The following EPHA6 variants were observed in gnomAD, a reference collection of about 807,000 sequenced individuals.
EPHA6 encodes the protein EPH receptor A6.
Under a neutral mutation model 112.0 loss-of-function variants are expected in EPHA6, and 50 were observed. That is an observed-to-expected ratio of 0.45 (90% CI 0.36 to 0.56). EPHA6 has a LOEUF of 0.56. EPHA6 is among the 20% of genes least tolerant of loss of function. The pLI is 0.00. For synonymous variants in EPHA6, 529 were observed against 490.7 expected, an observed-to-expected ratio of 1.08 and a Z score of -1.03; for missense variants, 1,280 against 1,417.4, an observed-to-expected ratio of 0.90 and a Z score of 1.56.
intron 14 of EPHA6, among the ~76,000 whole-genome samples, chr3:97,713,110 C>T (rs575448289): frequency 6.6e-6 from 1 of 152,130 alleles, no homozygotes; most frequent in East Asian, 1.9e-4. Context: ...GCAGCAACAC[C>T]GACAGGGCCA....
intron 1 of EPHA6, among the ~76,000 whole-genome samples, chr3:96,852,641 C>G (rs1026370399): frequency 2.0e-5 from 3 of 149,230 alleles, no homozygotes; most frequent in Admixed American, 1.3e-4. Flanking sequence ...GTAAAAATGG[C>G]TTGCTCCCCT....
At chr3:97,546,845 A>G (rs1266875659) in intron 11 of EPHA6, among the ~76,000 whole-genome samples, 2 of 152,070 alleles carry the variant, frequency 1.3e-5, no homozygotes, top group East Asian at 3.8e-4. Context: ...CCTTTCTTCC[A>G]GTTGATCACA....
intron 5 of EPHA6, among the ~76,000 whole-genome samples, chr3:97,365,334 A>G (rs2084653420): frequency 6.6e-6 from 1 of 152,172 alleles, no homozygotes; most frequent in South Asian, 2.1e-4. Context: ...TCTTCCAAAT[A>G]CTACCCTACA....
intron 2 of EPHA6, among the ~76,000 whole-genome samples, chr3:96,959,540 C>T (rs1389311750): frequency 6.6e-6 from 1 of 151,648 alleles, no homozygotes; most frequent in African/African-American, 2.4e-5. Flanking sequence ...TAGTGTTTTC[C>T]TTTTGATGTC....
At chr3:97,349,859 T>C (rs2083715842) in intron 5 of EPHA6, among the ~76,000 whole-genome samples, 1 of 152,006 alleles carries the variant, frequency 6.6e-6, no homozygotes, top group African/African-American at 2.4e-5. Flanking sequence ...CCAGACGTGA[T>C]AAAAATTTTT....
chr3:97,333,361 T>C (rs1317165590), intron 5 of EPHA6, among the ~76,000 whole-genome samples: 1 of 152,030 alleles, frequency 6.6e-6, no homozygotes, highest in African/African-American at 2.4e-5. Context: ...AGGGGTTTAT[T>C]TTTGTTTTTG....
Position 97,668,911 on chromosome 3 carries a change from C to CAAAAAAAAAAAAAAA in EPHA6, c.2784+30848_2784+30862dup, listed in dbSNP as rs397990599. Among the ~76,000 whole-genome samples, 4 of 31,914 alleles carry CAAAAAAAAAAAAAAA rather than the reference C, an allele frequency of 1.3e-4. 1 individual carries two copies. The highest frequency in any genetic ancestry group is 1.6e-4 in the Non-Finnish European group (3 of 18,816). 20.9% of individuals were successfully genotyped at this position (31,914 alleles called of 152,430 possible). ...TGTGTGACAGAGTGAGACTCTGTCTCAAAAAAAAAAAAAAAAAAAAAAAAA... is the reference window on the plus strand; with the variant it reads ...TGTGTGACAGAGTGAGACTCTGTCTCAAAAAAAAAAAAAAAAAAAAAAAAAAAAAAAAAAAAAAAA... On this transcript the variant is annotated intron_variant, in intron 14 of 17. Transcript: ENST00000389672.
chr3:97,398,425 G>T (rs1258530851), intron 5 of EPHA6, among the ~76,000 whole-genome samples: 1 of 151,138 alleles, frequency 6.6e-6, no homozygotes, highest in African/African-American at 2.4e-5. Context: ...GCTTCCAACA[G>T]GGACAAATTT....
chr3:97,574,039 A>T (rs999949945), intron 11 of EPHA6, among the ~76,000 whole-genome samples: 1 of 152,198 alleles, frequency 6.6e-6, no homozygotes, highest in East Asian at 1.9e-4. Flanking sequence ...ATCTATTAAC[A>T]TGTATCTGTT....
At chr3:97,127,966 T>C (rs2048229046) in intron 3 of EPHA6, among the ~76,000 whole-genome samples, 1 of 152,074 alleles carries the variant, frequency 6.6e-6, no homozygotes, top group African/African-American at 2.4e-5. Context: ...ACCCATCACC[T>C]GAGTAGTGTG....
intron 3 of EPHA6, among the ~76,000 whole-genome samples, chr3:97,184,502 T>G (rs1026980198): frequency 6.6e-6 from 1 of 152,060 alleles, no homozygotes; most frequent in Non-Finnish European, 1.5e-5. Flanking sequence ...CAATCCAACT[T>G]ACAAGGGACA....
At position 96,870,514 on chromosome 3, in the gene EPHA6, T is replaced by G. The variant is rs146889356; in HGVS notation, c.450+3625T>G. Among the ~76,000 whole-genome samples the G allele has an allele frequency of 1.5e-4, 23 of 152,230 alleles. No individual in the cohort carries two copies. The East Asian group carries it at 4.5e-3, about 30-fold the overall frequency. On this transcript the variant is annotated intron_variant, in intron 2 of 17. Transcript: ENST00000389672. ...ATCTATTGATTCAAATACTAAGCTCTTCCAGAAACATCCTTACACACACAC... is the reference window on the plus strand; with the variant it reads ...ATCTATTGATTCAAATACTAAGCTCGTCCAGAAACATCCTTACACACACAC...
At chr3:96,829,964 C>CAT (rs1215257930) in intron 1 of EPHA6, among the ~76,000 whole-genome samples, 3 of 151,028 alleles carry the variant, frequency 2.0e-5, no homozygotes, top group African/African-American at 7.3e-5. Flanking sequence ...CACACACACA[C>CAT]ACACACACAC....
At chr3:96,822,565 T>G (rs901909806) in intron 1 of EPHA6, among the ~76,000 whole-genome samples, 4 of 151,826 alleles carry the variant, frequency 2.6e-5, no homozygotes, top group African/African-American at 9.7e-5. Flanking sequence ...AGAGGAAATA[T>G]GAAATAACAT....
At chr3:97,695,572 C>T (rs1006293257) in intron 14 of EPHA6, among the ~76,000 whole-genome samples, 2 of 152,162 alleles carry the variant, frequency 1.3e-5, no homozygotes, top group East Asian at 1.9e-4. Context: ...GACGGAGTCT[C>T]GCTCTGTCAC....
chr3:97,519,265 A>G (rs900588562), intron 10 of EPHA6, among the ~76,000 whole-genome samples: 2 of 152,072 alleles, frequency 1.3e-5, no homozygotes, highest in African/African-American at 2.4e-5. Context: ...CTTTTCCCCA[A>G]TGTATGCTCT....
At chr3:96,947,441 C>T (rs2041326202) in intron 2 of EPHA6, among the ~76,000 whole-genome samples, 1 of 152,092 alleles carries the variant, frequency 6.6e-6, no homozygotes, top group Admixed American at 6.5e-5. Flanking sequence ...ATAGGGAATC[C>T]TTTCCCCATT....
At chr3:96,891,508 C>T (rs1053683336) in intron 2 of EPHA6, among the ~76,000 whole-genome samples, 4 of 151,914 alleles carry the variant, frequency 2.6e-5, no homozygotes, top group African/African-American at 9.7e-5. Context: ...GTCAGGAGTT[C>T]GAGACCAGCC....
intron 11 of EPHA6, among the ~76,000 whole-genome samples, chr3:97,569,375 C>T (rs2093307833): frequency 6.6e-6 from 1 of 152,064 alleles, no homozygotes; most frequent in African/African-American, 2.4e-5. Flanking sequence ...GCCCAACAGT[C>T]TCCCAATGAA....
Sources: gnomAD v4.1 joint callset for allele counts (sites outside exome capture counted in the v4.1 genomes callset) on GRCh38, gnomAD v4.1.1 for gene constraint, MANE v1.5 for transcripts, NCBI Gene and HGNC (gene_info 2026-07-23, HGNC 2026-07-21) for gene names.